WFS1: variants seen among roughly 807,000 people sequenced by gnomAD.
The protein encoded by WFS1 is wolframin ER transmembrane glycoprotein.
WFS1 carries 90 observed loss-of-function variants against 68.5 expected under a neutral mutation model. The ratio of observed to expected loss-of-function variants is 1.31; its 90% CI spans 1.11 to 1.56. The LOEUF is 1.56. Ranked by LOEUF, WFS1 falls within the 40% of genes most tolerant of loss-of-function variation. WFS1 has a pLI of 0.00. For synonymous variants in WFS1, 860 were observed against 540.7 expected, an observed-to-expected ratio of 1.59 and a Z score of -8.19; for missense variants, 1,767 against 1,232.6, an observed-to-expected ratio of 1.43 and a Z score of -6.49.
At chr4:6,277,899 G>A (rs562638814) in intron 2 of WFS1, among the ~76,000 whole-genome samples, 1 of 152,370 alleles carries the variant, frequency 6.6e-6, no homozygotes, top group South Asian at 2.1e-4. Context: ...ACTCGAGGTG[G>A]TGCTGGTGCC....
chr4:6,277,340 T>C, intron 1 of WFS1, 111 bp from the exon 2 acceptor site: 1 of 1,000,750 alleles, frequency 1.0e-6, no homozygotes, highest in South Asian at 1.4e-5. Flanking sequence ...CTGTATGGAG[T>C]GTCTGGCAGC....
rs1578613999 is a variant in WFS1 at position 6,302,623 on chromosome 4, C to T, written c.*155C>T. 4.7e-6 allele frequency: 5 copies of T among 1,054,962 alleles called. No individual in the cohort carries two copies. In the East Asian group the frequency reaches 7.8e-5, roughly 17 times the overall value. The allele number at this position is 1,054,962 out of a possible 1,614,324, so 65.4% of individuals were successfully genotyped here. A position where few individuals can be genotyped will look rare whatever the true frequency, so the allele number is the denominator to read the frequency against. On this transcript the variant is annotated 3_prime_UTR_variant, in exon 8 of 8. Transcript: ENST00000226760. ...GCGACCATGTGTAGATTGCGTGGAC[C>T]CCGACAAAGGGAAGGCTGCTGTGTA...
rs770625544 is a variant in WFS1 at position 6,302,432 on chromosome 4, C to A, written c.2637C>A (p.Phe879Leu). ...STVHGAVKFA[F>L]DFFFFPFLSA... ...TGCATGGCGCCGTGAAGTTCGCCTT[C>A]GACTTCTTTTTCTTCCCATTCCTGT... The change falls in exon 8 of 8, where the codon TTC becomes TTA. Residue 879 changes from phenylalanine (F) to leucine (L), a missense_variant. Transcript: ENST00000226760. The A allele has an allele frequency of 6.2e-7, 1 of 1,613,108 alleles. No individual in the cohort carries two copies.
Position 6,302,511 on chromosome 4 carries a change from G to A in WFS1, c.*43G>A, listed in dbSNP as rs1254508098. ...GAGCTTCCAGTGCATGTTGCCATGAGGCCTTTCCCCAGTGTGGCCCCAGCC... is the reference window on the plus strand; with the variant it reads ...GAGCTTCCAGTGCATGTTGCCATGAAGCCTTTCCCCAGTGTGGCCCCAGCC... On this transcript the variant is annotated 3_prime_UTR_variant, in exon 8 of 8. Coordinates refer to ENST00000226760, the MANE Select transcript of WFS1 (RefSeq NM_006005.3). 1 of 1,609,832 alleles carries A rather than the reference G, an allele frequency of 6.2e-7. No homozygotes were observed. The highest frequency in any genetic ancestry group is 1.1e-5 in the South Asian group (1 of 91,032).
intron 2 of WFS1, among the ~76,000 whole-genome samples, chr4:6,280,051 C>T (rs1730114890): frequency 6.6e-6 from 1 of 152,178 alleles, no homozygotes; most frequent in Non-Finnish European, 1.5e-5. Context: ...CTTGGAAGCT[C>T]AGGGGCTCCT....
chr4:6,278,393 C>T (rs762832857), intron 2 of WFS1, among the ~76,000 whole-genome samples: 1 of 152,212 alleles, frequency 6.6e-6, no homozygotes, highest in Admixed American at 6.5e-5. Flanking sequence ...TCAGCCTTCA[C>T]TTTTGCTAGA....
At chr4:6,299,866 TA>T (rs1730802308) in intron 7 of WFS1, among the ~76,000 whole-genome samples, 2 of 115,990 alleles carry the variant, frequency 1.7e-5, no homozygotes, top group African/African-American at 6.9e-5. Flanking sequence ...TGCGTGTGTG[TA>T]GGGGTGGGCT....
rs1029964172 is a variant in WFS1, at chr4:6,301,425, T to G, written c.1630T>G (p.Ser544Ala). 1 of 1,612,478 alleles carries G rather than the reference T, an allele frequency of 6.2e-7. No homozygotes were observed. The highest frequency in any genetic ancestry group is 1.7e-5 in the Admixed American group (1 of 60,034). ...GGTGTGCTTCATGTGGTGTGAGCTC[T>G]CCGTGGTCATCCTGCTGGAGTCCAC... Reference protein sequence around the residue: ...YLVCFMWCELSVVILLESTGL... With the variant: ...YLVCFMWCELAVVILLESTGL... Residue 544 changes from serine (S) to alanine (A), a missense_variant, in exon 8 of 8, where the codon TCC becomes GCC. By Grantham distance (99) the Ser-to-Ala change is moderately conservative. Coordinates refer to ENST00000226760, the MANE Select transcript of WFS1 (RefSeq NM_006005.3).
In WFS1 at chr4:6,283,666, C is replaced by A. The variant is rs1296615327; in HGVS notation, c.233-3427C>A. Among the ~76,000 whole-genome samples, 1 of 152,240 alleles carries A rather than the reference C, an allele frequency of 6.6e-6. No individual in the cohort carries two copies. Among genetic ancestry groups the A allele is most frequent in the Non-Finnish European group, 1.5e-5 (1 of 68,044 alleles). ...TAGCACAAACTCCGCTGGGCTGTGT[C>A]CATCCCTGAACCAGGTGCTGTAGTC... is the stretch of plus-strand genomic sequence containing the variant. On this transcript the variant is annotated intron_variant, in intron 2 of 7. Coordinates refer to ENST00000226760, the MANE Select transcript of WFS1 (RefSeq NM_006005.3). The surrounding 1 kb of genome is among the most constrained non-coding windows in gnomAD (Gnocchi z 5.0).
chr4:6,274,704 G>T (rs925606798), intron 1 of WFS1, among the ~76,000 whole-genome samples: 1 of 152,082 alleles, frequency 6.6e-6, no homozygotes, highest in Non-Finnish European at 1.5e-5. Context: ...GGGGGAGGGG[G>T]GTAAGAAGGC....
At chr4:6,274,814 G>A (rs1729946637) in intron 1 of WFS1, among the ~76,000 whole-genome samples, 1 of 83,818 alleles carries the variant, frequency 1.2e-5, no homozygotes, top group Non-Finnish European at 2.4e-5. Context: ...TGGGCCCCGG[G>A]AGAGAGGGTG....
Position 6,302,747 on chromosome 4 carries a change from A to G in WFS1, c.*279A>G, listed in dbSNP as rs557022264. 5.4e-6 allele frequency: 3 copies of G among 557,310 alleles called. No individual in the cohort carries two copies. In the South Asian group the frequency reaches 6.7e-5, roughly 12 times the overall value. The allele number at this position is 557,310 out of a possible 1,614,324, so 34.5% of individuals were successfully genotyped here. A position where few individuals can be genotyped will look rare whatever the true frequency, so the allele number is the denominator to read the frequency against. Reference sequence around the variant, plus strand: ...TGACATGGGTGTGCCAGGCTAGACTAGGAGGTTCCGGTGTCTGGAAAAGCA... The same window carrying G: ...TGACATGGGTGTGCCAGGCTAGACTGGGAGGTTCCGGTGTCTGGAAAAGCA... On this transcript the variant is annotated 3_prime_UTR_variant, in exon 8 of 8. Coordinates refer to ENST00000226760, the MANE Select transcript of WFS1 (RefSeq NM_006005.3).
At chr4:6,280,399 G>A (rs1383863487) in intron 2 of WFS1, among the ~76,000 whole-genome samples, 1 of 152,200 alleles carries the variant, frequency 6.6e-6, no homozygotes, top group African/African-American at 2.4e-5. Context: ...GGGATCTGTT[G>A]TTCTGCTCAA....
At chr4:6,285,144 CTG>C (rs1477083467) in intron 2 of WFS1, among the ~76,000 whole-genome samples, 1 of 116,930 alleles carries the variant, frequency 8.6e-6, no homozygotes, top group African/African-American at 3.5e-5. Context: ...GCCCGAAACT[CTG>C]TGCAAGAGTT....
rs1730936877 is a variant in WFS1, at chr4:6,301,830, AAGG to A, written c.2038_2040del (p.Glu680del). ...TGCGCTGTGCGGGCCACGCGCCTGG[AAGG>A]AGACCAACATGGCGCGCACCCAGAT... On this transcript the variant is annotated inframe_deletion, in exon 8 of 8. Coordinates refer to ENST00000226760, the MANE Select transcript of WFS1 (RefSeq NM_006005.3). 3.7e-6 allele frequency: 6 copies of A among 1,613,164 alleles called. No individual in the cohort carries two copies. Among genetic ancestry groups the A allele is most frequent in the Non-Finnish European group, 3.4e-6 (4 of 1,179,998 alleles).
At chr4:6,276,993 C>G (rs1052661712) in intron 1 of WFS1, among the ~76,000 whole-genome samples, 1 of 152,258 alleles carries the variant, frequency 6.6e-6, no homozygotes, top group Non-Finnish European at 1.5e-5. Context: ...TTTCAAGATC[C>G]TTAAATACAT....
intron 4 of WFS1, among the ~76,000 whole-genome samples, chr4:6,290,457 C>G (rs1044542616): frequency 1.3e-5 from 2 of 152,246 alleles, no homozygotes; most frequent in Non-Finnish European, 2.9e-5. Flanking sequence ...TGGGGCAGAG[C>G]GTGCAAGGGA....
intron 6 of WFS1, among the ~76,000 whole-genome samples, chr4:6,294,303 T>G (rs1441579125): frequency 2.0e-5 from 3 of 151,766 alleles, no homozygotes; most frequent in African/African-American, 7.3e-5. Flanking sequence ...GAGGGGTCAG[T>G]GGGCACGTAG....
Position 6,301,467 on chromosome 4 carries a change from C to T in WFS1, c.1672C>T (p.Arg558Cys), listed in dbSNP as rs199946797. The T allele has an allele frequency of 3.5e-4, 562 of 1,612,648 alleles. 4 individuals carry two copies. The highest frequency in any genetic ancestry group is 1.3e-4 in the African/African-American group (10 of 74,950). ...GGAGTCCACCGGCCTGGGGCTGCTC[C>T]GCGCCTCCATCGGCTACTTCCTCTT... is the stretch of plus-strand genomic sequence containing the variant. ...LLESTGLGLL[R>C]ASIGYFLFLF... Residue 558 changes from arginine to cysteine, a missense_variant, in exon 8 of 8, where the codon CGC (arginine) becomes TGC (cysteine). Transcript: ENST00000226760.
Sources: allele counts gnomAD v4.1 joint callset (sites outside exome capture counted in the v4.1 genomes callset), GRCh38; gene constraint gnomAD v4.1.1; non-coding constraint Gnocchi (gnomAD v3.1); transcripts MANE v1.5; gene names NCBI Gene and HGNC (gene_info 2026-07-23, HGNC 2026-07-21).